Variants in FAR2 observed in about 807,000 individuals in gnomAD.
FAR2 encodes the protein epididymis secretory protein Li 81.
In FAR2, 19 loss-of-function variants were observed where a neutral mutation model predicts 56.0. The observed-to-expected ratio is 0.34, with a 90% CI of 0.24 to 0.50. FAR2 has a LOEUF of 0.50. Among genes scored for constraint, FAR2 ranks in the 20% least tolerant of loss-of-function variants. The probability of loss-of-function intolerance (pLI) is 0.98; values close to 1 mark genes in which losing one functional copy is unlikely to be tolerated. For synonymous variants in FAR2, 219 were observed against 218.8 expected, an observed-to-expected ratio of 1.00 and a Z score of -0.01; for missense variants, 508 against 642.2, an observed-to-expected ratio of 0.79 and a Z score of 2.26.
intron 9 of FAR2, among the ~76,000 whole-genome samples, chr12:29,320,153 G>A (rs1382960780): frequency 6.6e-6 from 1 of 152,184 alleles, no homozygotes; most frequent in African/African-American, 2.4e-5. Context: ...GCTGCAGTGA[G>A]TCATGATTGA....
chr12:29,206,737 A>G (rs11050126), intron 1 of FAR2, among the ~76,000 whole-genome samples: 8,821 of 152,254 alleles, frequency 0.058, 760 homozygotes, highest in African/African-American at 0.19. Context: ...AAGGCAGTTC[A>G]TGTTTACTTG....
intron 1 of FAR2, among the ~76,000 whole-genome samples, chr12:29,266,089 T>C (rs560645119): frequency 6.6e-6 from 1 of 152,194 alleles, no homozygotes; most frequent in East Asian, 1.9e-4. Flanking sequence ...GTACAATCAC[T>C]ACAGATAACA....
At chr12:29,170,552 CTCTT>C (rs1245367799) in intron 1 of FAR2, among the ~76,000 whole-genome samples, 20 of 152,170 alleles carry the variant, frequency 1.3e-4, no homozygotes, top group African/African-American at 4.3e-4. Context: ...ATTTTCATCT[CTCTT>C]TCTTTTTCTT....
chr12:29,190,772 G>A (rs1429333570), intron 1 of FAR2, among the ~76,000 whole-genome samples: 4 of 130,754 alleles, frequency 3.1e-5, no homozygotes, highest in East Asian at 4.7e-4. Context: ...CAAAATTCAC[G>A]GTGGTTTTTA....
At chr12:29,213,054 C>A (rs1039458383) in intron 1 of FAR2, among the ~76,000 whole-genome samples, 5 of 152,086 alleles carry the variant, frequency 3.3e-5, no homozygotes, top group Admixed American at 1.3e-4. Context: ...AATAATTGGT[C>A]TTTCCTTCTT....
chr12:29,274,027 C>G (rs962243812), intron 2 of FAR2, among the ~76,000 whole-genome samples: 4 of 151,670 alleles, frequency 2.6e-5, no homozygotes, highest in Non-Finnish European at 2.9e-5. Flanking sequence ...AGGATTCACA[C>G]GGTTATTGTG....
rs552892747 is a variant in FAR2, at chr12:29,310,696, A to G, written c.769-332A>G. On this transcript the variant is annotated intron_variant, in intron 6 of 11. Coordinates refer to ENST00000536681, the MANE Select transcript of FAR2 (RefSeq NM_001271783.2). Reference sequence around the variant, plus strand: ...AATTTGTATAACCTTAATTCTTAACATGTCTTATGAATTAATTTTTAAGAT... The same window carrying G: ...AATTTGTATAACCTTAATTCTTAACGTGTCTTATGAATTAATTTTTAAGAT... Among the ~76,000 whole-genome samples the G allele has an allele frequency of 2.0e-5, 3 of 152,292 alleles. 1 individual carries two copies. Among genetic ancestry groups the G allele is most frequent in the Admixed American group, 2.0e-4 (3 of 15,296 alleles).
intron 1 of FAR2, among the ~76,000 whole-genome samples, chr12:29,240,928 C>T (rs914444596): frequency 5.9e-5 from 9 of 152,080 alleles, no homozygotes; most frequent in Non-Finnish European, 8.8e-5. Flanking sequence ...GCCTCAGCCT[C>T]CTGAGTAGCT....
At chr12:29,183,136 G>A (rs557884403) in intron 1 of FAR2, among the ~76,000 whole-genome samples, 2 of 152,050 alleles carry the variant, frequency 1.3e-5, no homozygotes, top group South Asian at 2.1e-4. Context: ...TCAGTATATC[G>A]TTTTAGAAAT....
Position 29,253,251 on chromosome 12 carries a change from A to G in FAR2, c.-38-17161A>G, listed in dbSNP as rs866019988. On this transcript the variant is annotated intron_variant, in intron 1 of 11. Transcript: ENST00000536681. ...TATCTAGATAGATATCTATATATCG[A>G]TATCTATCTAGATAGATATCTATAT... is the stretch of plus-strand genomic sequence containing the variant. 2.3e-5 allele frequency among the ~76,000 whole-genome samples: 3 copies of G among 131,116 alleles called. 1 individual carries two copies. The Middle Eastern group carries it at 0.017, about 728-fold the overall frequency. The allele number at this position is 131,116 out of a possible 152,430, so 86.0% of individuals were successfully genotyped here.
intron 1 of FAR2, among the ~76,000 whole-genome samples, chr12:29,225,781 C>G (rs891567443): frequency 6.6e-6 from 1 of 152,200 alleles, no homozygotes; most frequent in African/African-American, 2.4e-5. Context: ...ATTAGTGCAC[C>G]TTCACAAAGC....
chr12:29,199,882 G>T (rs1175586293), intron 1 of FAR2, among the ~76,000 whole-genome samples: 1 of 152,116 alleles, frequency 6.6e-6, no homozygotes, highest in Non-Finnish European at 1.5e-5. Flanking sequence ...GCATTAATCA[G>T]GATTAGAGAT....
Position 29,305,558 on chromosome 12 carries a change from G to A in FAR2, c.546-2100G>A, listed in dbSNP as rs535131496. ...TTTTGTTTTATCAAAGAGCTTAAAT[G>A]CAGTTGTGAATATTCCTGTTTACCC... is the stretch of plus-strand genomic sequence containing the variant. On this transcript the variant is annotated intron_variant, in intron 4 of 11. Coordinates refer to ENST00000536681, the MANE Select transcript of FAR2 (RefSeq NM_001271783.2). Among the ~76,000 whole-genome samples, 3 of 152,290 alleles carry A rather than the reference G, an allele frequency of 2.0e-5. No individual in the cohort carries two copies. In the South Asian group the frequency reaches 6.2e-4, roughly 32 times the overall value.
At chr12:29,262,170 T>A (rs1948430749) in intron 1 of FAR2, among the ~76,000 whole-genome samples, 1 of 152,140 alleles carries the variant, frequency 6.6e-6, no homozygotes, top group African/African-American at 2.4e-5. Context: ...CAAGATGAAG[T>A]TAAAGTGTAG....
rs184095730 is a variant in FAR2, at chr12:29,332,227, G to T, written c.1258-373G>T. ...AAAATTTAAGAGGAAAGGGAAAGTT[G>T]CATCATTTATGTTTTGGTCACTAAC... On this transcript the variant is annotated intron_variant, in intron 10 of 11. Transcript: ENST00000536681. Among the ~76,000 whole-genome samples the T allele has an allele frequency of 9.7e-4, 148 of 152,312 alleles. 1 individual carries two copies. The highest frequency in any genetic ancestry group is 3.5e-3 in the African/African-American group (145 of 41,568).
chr12:29,160,159 T>C (rs1261481059), intron 1 of FAR2, among the ~76,000 whole-genome samples: 2 of 152,252 alleles, frequency 1.3e-5, no homozygotes, highest in East Asian at 3.9e-4. Flanking sequence ...TGGGCCATTT[T>C]AGTTCCTTGA....
chr12:29,212,062 ACT>A (rs1947556210), intron 1 of FAR2, among the ~76,000 whole-genome samples: 1 of 151,464 alleles, frequency 6.6e-6, no homozygotes, highest in Admixed American at 6.6e-5. Context: ...ACAGAGCAAG[ACT>A]CTGTCTCAAA....
chr12:29,230,295 A>C (rs558359972), intron 1 of FAR2, among the ~76,000 whole-genome samples: 5 of 152,230 alleles, frequency 3.3e-5, no homozygotes, highest in African/African-American at 1.2e-4. Flanking sequence ...CTGAGGCAGC[A>C]GATCATGCAA....
chr12:29,159,409 G>A (rs1949760167), intron 1 of FAR2, among the ~76,000 whole-genome samples: 1 of 151,912 alleles, frequency 6.6e-6, no homozygotes, highest in Admixed American at 6.6e-5. Context: ...ATGTTGGCAG[G>A]TGCCTGTAGT....
Sources: gnomAD v4.1 joint callset for allele counts (sites outside exome capture counted in the v4.1 genomes callset) on GRCh38, gnomAD v4.1.1 for gene constraint, MANE v1.5 for transcripts, NCBI Gene and HGNC (gene_info 2026-07-23, HGNC 2026-07-21) for gene names.